Variants in RAB8B observed in about 807,000 individuals in gnomAD.
The protein encoded by RAB8B is ras-related protein Rab-8B.
In RAB8B, 11 loss-of-function variants were observed where a neutral mutation model predicts 32.0. That is an observed-to-expected ratio of 0.34 (90% CI 0.22 to 0.57). The LOEUF (loss-of-function observed/expected upper bound fraction) is 0.57, where lower values mean the gene tolerates loss of function less well. RAB8B is among the 20% of genes least tolerant of loss of function. The pLI, the probability that RAB8B is intolerant of heterozygous loss-of-function variation, is 0.86. For synonymous variants in RAB8B, 103 were observed against 89.6 expected (o/e 1.15, Z -0.85); for missense variants, 190 against 258.5 (o/e 0.73, Z 1.82).
intron 1 of RAB8B, among the ~76,000 whole-genome samples, chr15:63,224,952 C>T (rs1302601640): frequency 6.6e-6 from 1 of 152,214 alleles, no homozygotes; most frequent in African/African-American, 2.4e-5. Flanking sequence ...AACCCCAGCT[C>T]TGCCACTTTC....
intron 1 of RAB8B, among the ~76,000 whole-genome samples, chr15:63,221,730 T>A (rs1468167282): frequency 6.6e-6 from 1 of 152,218 alleles, no homozygotes; most frequent in African/African-American, 2.4e-5. Context: ...GGTCTGTACA[T>A]GTGCTTGCCT....
At chr15:63,207,990 C>T (rs1422950131) in intron 1 of RAB8B, among the ~76,000 whole-genome samples, 1 of 152,182 alleles carries the variant, frequency 6.6e-6, no homozygotes, top group Non-Finnish European at 1.5e-5. Flanking sequence ...GACCCGAGCA[C>T]TTCCAGTCTC....
chr15:63,248,959 A>G lies in RAB8B; in HGVS notation c.186-686A>G, dbSNP rs561923203. On this transcript the variant is annotated intron_variant, in intron 2 of 7. Transcript: ENST00000321437. The surrounding 1 kb of genome is among the most constrained non-coding windows in gnomAD (Gnocchi z 4.4). ...TTATAGGATTGCTTCTATAAATGAA[A>G]TCAGAAACTCTTATATTTTTCAGAA... Among the ~76,000 whole-genome samples the G allele has an allele frequency of 1.8e-4, 27 of 152,330 alleles. No homozygotes were observed. The highest frequency in any genetic ancestry group is 6.3e-4 in the African/African-American group (26 of 41,582).
Position 63,218,110 on chromosome 15 carries a change from T to A in RAB8B, c.125-26646T>A, listed in dbSNP as rs77523505. ...ATGTGGTTATCTGTTCTTTTTTTTT[T>A]ATGCTTCTACCCTTATGTTGGCAAA... On this transcript the variant is annotated intron_variant, in intron 1 of 7. Transcript: ENST00000321437. Among the ~76,000 whole-genome samples the A allele has an allele frequency of 3.3e-5, 5 of 152,110 alleles. No individual in the cohort carries two copies. The South Asian group carries it at 6.2e-4, about 19-fold the overall frequency.
chr15:63,228,523 C>A (rs1033859483), intron 1 of RAB8B, among the ~76,000 whole-genome samples: 1 of 152,222 alleles, frequency 6.6e-6, no homozygotes, highest in African/African-American at 2.4e-5. Context: ...TAAAACACAG[C>A]ATGTGAAAGC....
chr15:63,232,109 G>GTAT (rs1595743352), intron 1 of RAB8B, among the ~76,000 whole-genome samples: 1 of 152,208 alleles, frequency 6.6e-6, no homozygotes, highest in East Asian at 1.9e-4. Context: ...AGTTGTAGCT[G>GTAT]TATTATTACA....
chr15:63,194,383 T>C (rs2037583982), intron 1 of RAB8B, among the ~76,000 whole-genome samples: 3 of 152,178 alleles, frequency 2.0e-5, no homozygotes, highest in Non-Finnish European at 1.5e-5. Context: ...AATTAGAGTT[T>C]GCACATACGC....
At position 63,189,741 on chromosome 15, in the gene RAB8B, C is replaced by T. The variant is rs1375470438; in HGVS notation, c.117C>T (p.Ser39=). 3 of 1,611,710 alleles carry T rather than the reference C, an allele frequency of 1.9e-6. No individual in the cohort carries two copies. Among genetic ancestry groups the T allele is most frequent in the Non-Finnish European group, 2.5e-6 (3 of 1,179,200 alleles). Residue 39 remains serine, a synonymous_variant, in exon 1 of 8, where the codon TCC becomes TCT. Transcript: ENST00000321437. The part of the protein sequence containing the change: ...SEDAFNTTFI[S]TIGIDFKIRT... ...ACGCCTTCAACACCACCTTCATCTC[C>T]ACCATCGGTGAGGGAGGGGCCGCGG...
At chr15:63,231,189 T>G (rs1480975112) in intron 1 of RAB8B, among the ~76,000 whole-genome samples, 1 of 152,244 alleles carries the variant, frequency 6.6e-6, no homozygotes, top group Non-Finnish European at 1.5e-5. Flanking sequence ...TTTTAATTTT[T>G]TCTTTTTAAG....
intron 1 of RAB8B, among the ~76,000 whole-genome samples, chr15:63,207,288 G>A (rs983920080): frequency 3.3e-5 from 5 of 152,084 alleles, no homozygotes; most frequent in Non-Finnish European, 7.4e-5. Flanking sequence ...AGCGCAGTGC[G>A]GGGCACGTAT....
chr15:63,249,413 T>C (rs572581964), intron 2 of RAB8B, among the ~76,000 whole-genome samples: 1 of 152,210 alleles, frequency 6.6e-6, no homozygotes, highest in Admixed American at 6.5e-5. Flanking sequence ...TTGCTGCTTT[T>C]ATCAAGGTCT....
chr15:63,219,233 G>C (rs1390446315), intron 1 of RAB8B, among the ~76,000 whole-genome samples: 1 of 149,966 alleles, frequency 6.7e-6, no homozygotes, highest in Non-Finnish European at 1.5e-5. Context: ...GGGAGGCAGA[G>C]ATTGTAGTGA....
At chr15:63,219,852 G>A (rs1179098466) in intron 1 of RAB8B, among the ~76,000 whole-genome samples, 2 of 152,142 alleles carry the variant, frequency 1.3e-5, no homozygotes, top group African/African-American at 2.4e-5. Flanking sequence ...TTTTGAGAGG[G>A]TCTCTTGGGT....
At chr15:63,231,497 TTTG>T (rs199675058) in intron 1 of RAB8B, among the ~76,000 whole-genome samples, 10,422 of 49,180 alleles carry the variant, frequency 0.21, 478 homozygotes, top group Non-Finnish European at 0.33. Context: ...TTGCGTGTTT[TTTG>T]TTTTTTTTTT....
intron 1 of RAB8B, among the ~76,000 whole-genome samples, chr15:63,193,447 C>T (rs933387746): frequency 3.9e-5 from 6 of 152,154 alleles, no homozygotes; most frequent in African/African-American, 9.7e-5. Context: ...AGGACCAACT[C>T]GCCTTTCACT....
intron 1 of RAB8B, among the ~76,000 whole-genome samples, chr15:63,238,887 T>A (rs1043985210): frequency 6.6e-6 from 1 of 152,206 alleles, no homozygotes; most frequent in Non-Finnish European, 1.5e-5. Flanking sequence ...CCCATGGTTA[T>A]AAGTCCAGAA....
chr15:63,246,603 A>G (rs2038074397), intron 2 of RAB8B, among the ~76,000 whole-genome samples: 2 of 152,194 alleles, frequency 1.3e-5, no homozygotes, highest in African/African-American at 4.8e-5. Flanking sequence ...CTACTCTCCA[A>G]GAACATCCAG....
At chr15:63,253,903 T>C (rs933796584) in intron 3 of RAB8B, among the ~76,000 whole-genome samples, 1 of 152,158 alleles carries the variant, frequency 6.6e-6, no homozygotes, top group East Asian at 1.9e-4. Flanking sequence ...AAAATGGTAA[T>C]ACAAGGACAA....
intron 1 of RAB8B, among the ~76,000 whole-genome samples, chr15:63,234,434 C>A (rs1056318743): frequency 4.6e-5 from 7 of 152,184 alleles, no homozygotes; most frequent in Non-Finnish European, 1.0e-4. Context: ...TTACCATGTT[C>A]AATTATATCT....
Sources: allele counts gnomAD v4.1 joint callset (sites outside exome capture counted in the v4.1 genomes callset), GRCh38; gene constraint gnomAD v4.1.1; non-coding constraint Gnocchi (gnomAD v3.1); transcripts MANE v1.5; gene names NCBI Gene and HGNC (gene_info 2026-07-23, HGNC 2026-07-21).